Variants in MAP3K15 observed in about 807,000 individuals in gnomAD.
The protein encoded by MAP3K15 is MAPK/ERK kinase kinase 15.
In MAP3K15, 124 loss-of-function variants were observed where a neutral mutation model predicts 99.5. The ratio of observed to expected loss-of-function variants is 1.25; its 90% CI spans 1.08 to 1.45. The LOEUF (loss-of-function observed/expected upper bound fraction) is 1.45. Ranked by LOEUF, MAP3K15 falls within the 40% of genes most tolerant of loss-of-function variation. The pLI is 0.00. For missense variants in MAP3K15, 1,242 were observed against 1,079.7 expected (o/e 1.15, Z -2.11); for synonymous variants, 494 against 439.6 (o/e 1.12, Z -1.55).
chrX:19,404,581 C>T (rs1235265023), intron 13 of MAP3K15, among the ~76,000 whole-genome samples: 1 of 112,169 alleles, frequency 8.9e-6, no homozygotes, highest in Non-Finnish European at 1.9e-5. Flanking sequence ...GGAGGGCTCA[C>T]ATTTCCTGAT....
chrX:19,464,224 G>A lies in MAP3K15; in HGVS notation c.708C>T (p.His236=), dbSNP rs55807380. The A allele has an allele frequency of 2.5e-3, 3,024 of 1,194,465 alleles. 46 individuals carry two copies. The African/African-American group carries it at 0.043, about 17-fold the overall frequency. Reference sequence around the variant, plus strand: ...CAGATGGGAATTACCATGAGGTCACGTGGATGTCCTTAAGGAGGCTAATGA... The same window carrying A: ...CAGATGGGAATTACCATGAGGTCACATGGATGTCCTTAAGGAGGCTAATGA... ...DRFISLLKDI[H]VTSCVYYKET... Residue 236 remains histidine, a synonymous_variant, in exon 4 of 29, where the codon CAC becomes CAT. Coordinates refer to ENST00000338883, the MANE Select transcript of MAP3K15 (RefSeq NM_001001671.4).
At chrX:19,451,447 T>TATA (rs1555958529) in intron 6 of MAP3K15, among the ~76,000 whole-genome samples, 3 of 93,005 alleles carry the variant, frequency 3.2e-5, no homozygotes, top group Non-Finnish European at 6.5e-5. Context: ...TATATATATA[T>TATA]AAAAAAAAAA....
At chrX:19,439,467 T>A (rs1037808574) in intron 6 of MAP3K15, among the ~76,000 whole-genome samples, 1 of 111,090 alleles carries the variant, frequency 9.0e-6, no homozygotes, top group African/African-American at 3.3e-5. Context: ...AATTTTAGTT[T>A]ATTGTATGGT....
intron 1 of MAP3K15, among the ~76,000 whole-genome samples, chrX:19,491,133 G>A (rs2064366273): frequency 9.0e-6 from 1 of 111,671 alleles, no homozygotes; most frequent in African/African-American, 3.3e-5. Flanking sequence ...AGAGGCGCTG[G>A]GAACCTGAGG....
At chrX:19,421,353 G>A (rs772150984) in intron 9 of MAP3K15, among the ~76,000 whole-genome samples, 227 of 111,249 alleles carry the variant, frequency 2.0e-3, no homozygotes, top group Non-Finnish European at 2.9e-3. Context: ...AAATCAATGT[G>A]CAAAAATCAC....
At chrX:19,369,752 T>TA (rs199865806) in intron 24 of MAP3K15, among the ~76,000 whole-genome samples, 4,977 of 109,816 alleles carry the variant, frequency 0.045, 288 homozygotes, top group African/African-American at 0.15. Flanking sequence ...CCGTCTCTAC[T>TA]AAAAAAAATT....
At chrX:19,455,944 G>C (rs6654063) in intron 6 of MAP3K15, among the ~76,000 whole-genome samples, 1 of 110,660 alleles carries the variant, frequency 9.0e-6, no homozygotes, top group Non-Finnish European at 1.9e-5. Flanking sequence ...TTACTATGTC[G>C]GGGGAACAAA....
At chrX:19,463,889 G>A (rs1432899317) in intron 4 of MAP3K15, among the ~76,000 whole-genome samples, 1 of 108,729 alleles carries the variant, frequency 9.2e-6, no homozygotes, top group African/African-American at 3.4e-5. Flanking sequence ...TCTCAGAGCT[G>A]AAAGAGATCG....
chrX:19,506,338 G>A (rs1196811502), intron 1 of MAP3K15, among the ~76,000 whole-genome samples: 1 of 111,432 alleles, frequency 9.0e-6, no homozygotes, highest in Non-Finnish European at 1.9e-5. Context: ...CCAAAGAGCT[G>A]GGATTAGAGG....
In MAP3K15 at chrX:19,515,082, AGCCCGCCGCG is replaced by A; in HGVS notation, c.170_179del (p.Pro57LeufsTer66). The A allele has an allele frequency of 1.1e-6, 1 of 901,011 alleles. No homozygotes were observed. The highest frequency in any genetic ancestry group is 1.4e-6 in the Non-Finnish European group (1 of 699,663). The allele number at this position is 901,011 out of a possible 1,213,427, so 74.3% of individuals were successfully genotyped here. On this transcript the variant is annotated frameshift_variant, in exon 1 of 29. Transcript: ENST00000338883. LOFTEE classifies it high-confidence loss of function. ...CACTGCGCACGTATACTGCCCGCAGAGCCCGCCGCGGCCCGCCCCCACTCTCGCCCTCGCC... is the reference window on the plus strand; with the variant it reads ...CACTGCGCACGTATACTGCCCGCAGAGCCCGCCCCCACTCTCGCCCTCGCC...
chrX:19,401,272 G>A (rs773324554), intron 13 of MAP3K15, among the ~76,000 whole-genome samples: 22 of 109,626 alleles, frequency 2.0e-4, no homozygotes, highest in Non-Finnish European at 3.2e-4. Context: ...ACAGCTCAAT[G>A]CAGCCTCAGC....
intron 22 of MAP3K15, 94 bp downstream of exon 22, chrX:19,372,559 G>C (rs2063383150): frequency 1.2e-6 from 1 of 802,528 alleles, no homozygotes; most frequent in African/African-American, 2.1e-5. Context: ...ATGTTCCAGG[G>C]CGGCAGGAAC....
intron 15 of MAP3K15, among the ~76,000 whole-genome samples, chrX:19,396,429 C>T (rs1467523592): frequency 8.9e-6 from 1 of 112,197 alleles, no homozygotes; most frequent in Non-Finnish European, 1.9e-5. Context: ...ACTGCAACAC[C>T]TTATCCATCA....
intron 19 of MAP3K15, 76 bp from the exon 20 acceptor site, chrX:19,374,736 G>A: frequency 1.1e-6 from 1 of 941,783 alleles, no homozygotes; most frequent in East Asian, 3.1e-5. Context: ...TCAGTCCAAA[G>A]CTCCTGTACA....
chrX:19,418,205 G>A (rs754720201), intron 9 of MAP3K15, among the ~76,000 whole-genome samples: 164 of 111,951 alleles, frequency 1.5e-3, no homozygotes, highest in African/African-American at 4.9e-3. Context: ...TGACTTTGAC[G>A]AGTTAAGAGA....
chrX:19,409,484 C>T (rs1050163484), intron 12 of MAP3K15, among the ~76,000 whole-genome samples: 5 of 111,009 alleles, frequency 4.5e-5, no homozygotes, highest in African/African-American at 9.8e-5. Flanking sequence ...ACTCCTCTCC[C>T]GAGAATACAC....
chrX:19,446,805 G>C (rs2064001392), intron 6 of MAP3K15, among the ~76,000 whole-genome samples: 1 of 111,399 alleles, frequency 9.0e-6, no homozygotes, highest in Admixed American at 9.6e-5. Flanking sequence ...TACAACTAAA[G>C]AGACAACCTC....
chrX:19,423,798 T>C (rs188538421), intron 9 of MAP3K15, among the ~76,000 whole-genome samples: 17 of 111,728 alleles, frequency 1.5e-4, no homozygotes, highest in African/African-American at 5.5e-4. Flanking sequence ...ATGCTAACGA[T>C]ATGATTCATC....
chrX:19,444,208 TCAC>T (rs896433010), intron 6 of MAP3K15, among the ~76,000 whole-genome samples: 2 of 112,195 alleles, frequency 1.8e-5, no homozygotes, highest in African/African-American at 3.2e-5. Context: ...TCACCTAAGA[TCAC>T]CACGAGACCT....
Sources: allele counts gnomAD v4.1 joint callset (sites outside exome capture counted in the v4.1 genomes callset), GRCh38; gene constraint gnomAD v4.1.1; transcripts MANE v1.5; gene names NCBI Gene and HGNC (gene_info 2026-07-23, HGNC 2026-07-21).